RANBP1: variants seen among roughly 807,000 people sequenced by gnomAD.
The protein encoded by RANBP1 is RAN binding protein 1.
A neutral mutation model predicts 31.4 loss-of-function variants in RANBP1; 16 were observed. The ratio of observed to expected loss-of-function variants is 0.51; its 90% CI spans 0.34 to 0.77. RANBP1 has a LOEUF of 0.77. RANBP1 is among the 30% of genes least tolerant of loss of function. The pLI, the probability that RANBP1 is intolerant of heterozygous loss-of-function variation, is 0.01. For synonymous variants in RANBP1, 129 were observed against 140.5 expected, an observed-to-expected ratio of 0.92 and a Z score of 0.58; for missense variants, 265 against 362.0, an observed-to-expected ratio of 0.73 and a Z score of 2.17.
intron 2 of RANBP1, among the ~76,000 whole-genome samples, chr22:20,120,097 C>A (rs2050142070): frequency 6.6e-6 from 1 of 152,154 alleles, no homozygotes; most frequent in Admixed American, 6.5e-5. Context: ...TCATGGAATC[C>A]CCCCATCCTT....
At chr22:20,120,898 G>A (rs1202018245) in intron 2 of RANBP1, among the ~76,000 whole-genome samples, 1 of 152,220 alleles carries the variant, frequency 6.6e-6, no homozygotes, top group Admixed American at 6.5e-5. Flanking sequence ...TCGTGACAGA[G>A]GTCCTTGGCC....
chr22:20,120,822 C>G (rs1209075005), intron 2 of RANBP1, among the ~76,000 whole-genome samples: 1 of 151,782 alleles, frequency 6.6e-6, no homozygotes, highest in African/African-American at 2.4e-5. Flanking sequence ...ATCTAATTCT[C>G]TTGGTTGTGG....
chr22:20,118,252 CT>C, intron 1 of RANBP1: 1 of 1,002,534 alleles, frequency 1.0e-6, no homozygotes, highest in Non-Finnish European at 1.2e-6. Flanking sequence ...CTTATGTTTT[CT>C]TTTCCAGTTT....
intron 1 of RANBP1, chr22:20,117,091 T>C (rs2050050654): frequency 1.3e-6 from 1 of 763,406 alleles, no homozygotes; most frequent in Admixed American, 2.5e-5. Context: ...GGGGCGGGAC[T>C]CGAACCTGCG....
intron 1 of RANBP1, chr22:20,117,298 G>A (rs1440725053): frequency 3.4e-5 from 29 of 852,626 alleles, no homozygotes; most frequent in Non-Finnish European, 4.2e-5. Flanking sequence ...AGCTCTAGAG[G>A]CGCGCGTGGC....
At chr22:20,125,147 C>T (rs376648785) in intron 3 of RANBP1, 161 bp from the exon 4 acceptor site, 32 of 720,700 alleles carry the variant, frequency 4.4e-5, no homozygotes, top group East Asian at 3.2e-4. Context: ...AACTCAGGCG[C>T]CGTGGTACTT....
chr22:20,121,990 C>T (rs750676368), intron 2 of RANBP1, among the ~76,000 whole-genome samples: 4 of 151,972 alleles, frequency 2.6e-5, no homozygotes, highest in Non-Finnish European at 4.4e-5. Context: ...CTGCCCGCCT[C>T]GGCCTCCCCG....
At chr22:20,117,553 C>CGCCAGA (rs2050064731) in intron 1 of RANBP1, 4 of 1,405,866 alleles carry the variant, frequency 2.8e-6, no homozygotes, top group Middle Eastern at 2.6e-4. Context: ...GAGGCGCCGG[C>CGCCAGA]GCCAGACGCG....
chr22:20,117,672 C>T (rs1243703980), intron 1 of RANBP1: 41 of 583,406 alleles, frequency 7.0e-5, no homozygotes, highest in Admixed American at 1.2e-4. Flanking sequence ...AAGGTGCCGC[C>T]GGGCCCAAGC....
intron 3 of RANBP1, among the ~76,000 whole-genome samples, chr22:20,123,488 G>A (rs2050233184): frequency 7.1e-6 from 1 of 140,982 alleles, no homozygotes; most frequent in Non-Finnish European, 1.6e-5. Context: ...CGGTATCGCG[G>A]TGGGGGTGTG....
chr22:20,121,770 G>A (rs188143688), intron 2 of RANBP1, among the ~76,000 whole-genome samples: 3 of 152,202 alleles, frequency 2.0e-5, no homozygotes, highest in Admixed American at 2.0e-4. Flanking sequence ...TCCCCACTGA[G>A]GGAAATATTG....
chr22:20,127,304 CTTAT>C lies in RANBP1; in HGVS notation c.*257_*260del. 3.1e-6 allele frequency: 1 copy of C among 326,276 alleles called. No homozygotes were observed. The highest frequency in any genetic ancestry group is 5.8e-6 in the Non-Finnish European group (1 of 172,694). The allele number at this position is 326,276 out of a possible 1,614,324, so 20.2% of individuals were successfully genotyped here. ...AACTTTCTTTTCCATAGTGGAAACACTTATTTATAGTCATCAAAAATAGTGAATA... is the reference window on the plus strand; with the variant it reads ...AACTTTCTTTTCCATAGTGGAAACACTTATAGTCATCAAAAATAGTGAATA... On this transcript the variant is annotated 3_prime_UTR_variant, in exon 6 of 6. Transcript: ENST00000430524.
At position 20,118,994 on chromosome 22, in the gene RANBP1, C is replaced by T. The variant is rs1419245396; in HGVS notation, c.247-19C>T. The T allele has an allele frequency of 1.9e-6, 3 of 1,609,694 alleles. No individual in the cohort carries two copies. Among genetic ancestry groups the T allele is most frequent in the Admixed American group, 3.3e-5 (2 of 59,738 alleles). On this transcript the variant is annotated intron_variant, in intron 1 of 5. Transcript: ENST00000430524. ...CCAGATCCATAGGCCAGCAGTGTAA[C>T]CTCTTTGTATCTCCACAGGACACTC...
rs1302203600 is a variant in RANBP1 at position 20,124,936 on chromosome 22, T to G, written c.542-372T>G. ...TCAGGGTTGGGCTTGAGTGCAGCCC[T>G]GGGATACAGCTGGGGCCTGCTTTGC... On this transcript the variant is annotated intron_variant, in intron 3 of 5. Transcript: ENST00000430524. 9 of 307,628 alleles carry G rather than the reference T, an allele frequency of 2.9e-5. No individual in the cohort carries two copies. The East Asian group carries it at 9.9e-4, about 34-fold the overall frequency. The allele number at this position is 307,628 out of a possible 1,614,324, so 19.1% of individuals were successfully genotyped here.
intron 1 of RANBP1, chr22:20,117,414 C>G (rs2050060547): frequency 5.8e-6 from 7 of 1,207,824 alleles, no homozygotes; most frequent in Admixed American, 4.7e-5. Context: ...CGGGGCGGGC[C>G]GGACAATGAG....
chr22:20,123,766 G>A (rs887374311), intron 3 of RANBP1, among the ~76,000 whole-genome samples: 1 of 152,018 alleles, frequency 6.6e-6, no homozygotes, highest in Non-Finnish European at 1.5e-5. Flanking sequence ...AGGTTGTCCT[G>A]AGTATGGCTG....
intron 1 of RANBP1, chr22:20,118,453 C>A: frequency 1.3e-6 from 1 of 743,038 alleles, no homozygotes; most frequent in Non-Finnish European, 1.7e-6. Context: ...GAAAAAATTG[C>A]TGGCAGAGCT....
At chr22:20,117,569 A>G in intron 1 of RANBP1, 1 of 1,408,962 alleles carries the variant, frequency 7.1e-7, no homozygotes, top group Non-Finnish European at 9.3e-7. Flanking sequence ...ACGCGGAGGG[A>G]AGGAGCTACG....
chr22:20,116,242 G>T lies in RANBP1; in HGVS notation c.58G>T (p.Ala20Ser). The stretch of plus-strand genomic sequence containing the variant: ...ACTGAGTGGGCGGCCTTTCCAGAGG[G>T]CACCATGCAAAACGCGCAGGGCCTT... ...RTLSGRPFQR[A>S]PCKTRRALSL... is the part of the protein sequence containing the mutation. The change falls in exon 1 of 6, where the codon GCA becomes TCA. Residue 20 changes from alanine (A) to serine (S), a missense_variant. Ala to Ser is a moderately conservative substitution (Grantham distance 99). Transcript: ENST00000430524. The T allele has an allele frequency of 6.2e-7, 1 of 1,612,942 alleles. No homozygotes were observed. The highest frequency in any genetic ancestry group is 1.1e-5 in the South Asian group (1 of 91,090).
Sources: allele counts gnomAD v4.1 joint callset (sites outside exome capture counted in the v4.1 genomes callset), GRCh38; gene constraint gnomAD v4.1.1; transcripts MANE v1.5; gene names NCBI Gene and HGNC (gene_info 2026-07-23, HGNC 2026-07-21).